RNF17: variants seen among roughly 807,000 people sequenced by gnomAD.
RNF17 encodes spermatogenesis associated 23.
RNF17 carries 31 observed loss-of-function variants against 200.5 expected under a neutral mutation model. The observed-to-expected ratio is 0.15, with a 90% CI of 0.12 to 0.21. The LOEUF (loss-of-function observed/expected upper bound fraction) is 0.21. Ranked by LOEUF, RNF17 falls within the 10% of genes least tolerant of loss-of-function variation. RNF17 has a pLI of 1.00. For synonymous variants in RNF17, 606 were observed against 637.8 expected (o/e 0.95, Z 0.75); for missense variants, 1,628 against 1,905.1 (o/e 0.85, Z 2.71).
chr13:24,800,299 C>T (rs1885089720), intron 12 of RNF17, 67 bp from the exon 13 acceptor site: 1 of 1,123,620 alleles, frequency 8.9e-7, no homozygotes, highest in African/African-American at 1.6e-5. Context: ...TGCATACCTT[C>T]TGTGGGGGAA....
chr13:24,789,375 G>A lies in RNF17; in HGVS notation c.811G>A (p.Asp271Asn), dbSNP rs1276188479. ...QIIRTLQLTS[D>N]SELAQVSSPQ... ...TATCCGGACTTTGCAGTTAACTTCA[G>A]ATAGTGAATTAGCACAAGTTAGTTC... Residue 271 changes from aspartate (D) to asparagine (N), a missense_variant, in exon 8 of 36, where the codon GAT (aspartate) becomes AAT (asparagine). Asp to Asn is a conservative substitution (Grantham distance 23). Transcript: ENST00000255324. 1.2e-6 allele frequency: 2 copies of A among 1,603,836 alleles called. No homozygotes were observed. The highest frequency in any genetic ancestry group is 3.3e-5 in the Admixed American group (2 of 59,874).
chr13:24,749,789 G>A, the RNF17 span, among the ~76,000 whole-genome samples: 11 of 151,894 alleles, frequency 7.2e-5, no homozygotes, highest in African/African-American at 1.7e-4. Context: ...TGTCTCTTTC[G>A]CCCAGGCTGC....
chr13:24,847,011 G>C (rs1891325200), intron 22 of RNF17, among the ~76,000 whole-genome samples: 1 of 138,154 alleles, frequency 7.2e-6, no homozygotes, highest in African/African-American at 2.6e-5. Flanking sequence ...AAACTTTAAT[G>C]AACCTGTGTG....
chr13:24,764,156 G>A, upstream of RNF17: 1 of 1,528,624 alleles, frequency 6.5e-7, no homozygotes, highest in Non-Finnish European at 8.9e-7. Flanking sequence ...TGCCGCGAGG[G>A]CCGCCGGGAC....
At chr13:24,765,660 C>T (rs1879575657) in intron 1 of RNF17, among the ~76,000 whole-genome samples, 1 of 152,154 alleles carries the variant, frequency 6.6e-6, no homozygotes. Flanking sequence ...AAAATGAGTA[C>T]TTCTTCCATA....
rs551876584 is a variant in RNF17, at chr13:24,878,404, T to C, written c.4774-783T>C. ...TAAGGATAAGCAGAACCATAGGATA[T>C]ATGAGAGGATTTATTACGGGAATTG... On this transcript the variant is annotated intron_variant, in intron 34 of 35. Transcript: ENST00000255324. 1.6e-4 allele frequency among the ~76,000 whole-genome samples: 24 copies of C among 152,274 alleles called. No individual in the cohort carries two copies. The East Asian group carries it at 4.6e-3, about 29-fold the overall frequency.
chr13:24,768,327 C>G (rs1382508249), intron 2 of RNF17, among the ~76,000 whole-genome samples: 1 of 151,200 alleles, frequency 6.6e-6, no homozygotes, highest in East Asian at 1.9e-4. Context: ...CTGTGTCCCC[C>G]AGGCTGGAGT....
chr13:24,843,307 A>C (rs1298257403), intron 19 of RNF17, among the ~76,000 whole-genome samples: 1 of 152,192 alleles, frequency 6.6e-6, no homozygotes, highest in African/African-American at 2.4e-5. Flanking sequence ...TCATGAGGTC[A>C]GGAGTTTGAG....
At chr13:24,801,428 G>A (rs9553444) in intron 13 of RNF17, among the ~76,000 whole-genome samples, 23,067 of 152,088 alleles carry the variant, frequency 0.15, 1,949 homozygotes, top group South Asian at 0.32. Flanking sequence ...GGACCGCTTC[G>A]GCTCAGGAGT....
At chr13:24,767,761 A>C (rs1039596594) in intron 2 of RNF17, among the ~76,000 whole-genome samples, 1 of 152,002 alleles carries the variant, frequency 6.6e-6, no homozygotes, top group Non-Finnish European at 1.5e-5. Flanking sequence ...AAAAAAAAAA[A>C]ACCCTAAAAT....
chr13:24,776,129 A>G (rs1881533895), intron 3 of RNF17, among the ~76,000 whole-genome samples: 1 of 152,308 alleles, frequency 6.6e-6, no homozygotes, highest in Non-Finnish European at 1.5e-5. Context: ...GTATTTATAA[A>G]TCACTCTAGT....
the RNF17 span, among the ~76,000 whole-genome samples, chr13:24,757,996 C>T: frequency 6.6e-6 from 1 of 152,282 alleles, no homozygotes; most frequent in South Asian, 2.1e-4. Flanking sequence ...ATAGTGTTCT[C>T]ATGAGATCTT....
intron 25 of RNF17, among the ~76,000 whole-genome samples, chr13:24,855,998 G>A (rs368067739): frequency 1.8e-4 from 27 of 152,156 alleles, no homozygotes; most frequent in African/African-American, 6.3e-4. Context: ...TTGGTTTTAT[G>A]TGTTCCAGGT....
chr13:24,757,410 G>A, the RNF17 span, among the ~76,000 whole-genome samples: 2 of 150,292 alleles, frequency 1.3e-5, no homozygotes, highest in African/African-American at 2.5e-5. Context: ...TGCAACCTCC[G>A]CCTCCTGGGT....
chr13:24,761,456 T>A (rs546010941), upstream of RNF17, among the ~76,000 whole-genome samples: 14 of 152,248 alleles, frequency 9.2e-5, no homozygotes, highest in Non-Finnish European at 1.8e-4. Flanking sequence ...TGCTATTTGA[T>A]CTCTGAATTT....
intron 19 of RNF17, 42 bp downstream of exon 19, chr13:24,842,203 A>T: frequency 6.6e-7 from 1 of 1,525,678 alleles, no homozygotes. Flanking sequence ...TCATGTTCTT[A>T]TGTAACATTG....
At chr13:24,780,216 G>C (rs959925149) in intron 5 of RNF17, among the ~76,000 whole-genome samples, 1 of 152,058 alleles carries the variant, frequency 6.6e-6, no homozygotes, top group African/African-American at 2.4e-5. Flanking sequence ...TTGCATAGAA[G>C]GACATGACAT....
chr13:24,812,383 C>T (rs541806292), intron 15 of RNF17, among the ~76,000 whole-genome samples: 5 of 151,872 alleles, frequency 3.3e-5, no homozygotes, highest in Non-Finnish European at 4.4e-5. Flanking sequence ...GTGCAGTATT[C>T]GGGTGGGAGT....
upstream of RNF17, among the ~76,000 whole-genome samples, chr13:24,763,760 T>G (rs1314942645): frequency 1.3e-5 from 2 of 152,166 alleles, no homozygotes; most frequent in African/African-American, 4.8e-5. Context: ...CAACGATAGC[T>G]TCTCATTAGC....
Sources: allele counts gnomAD v4.1 joint callset (sites outside exome capture counted in the v4.1 genomes callset), GRCh38; gene constraint gnomAD v4.1.1; transcripts MANE v1.5; gene names NCBI Gene and HGNC (gene_info 2026-07-23, HGNC 2026-07-21).